Variants in SDK1 observed in about 807,000 individuals in gnomAD.
The protein encoded by SDK1 is protein sidekick-1.
A neutral mutation model predicts 245.5 loss-of-function variants in SDK1; 157 were observed. The ratio of observed to expected loss-of-function variants is 0.64; its 90% CI spans 0.56 to 0.73. The LOEUF is 0.73. SDK1 is among the 30% of genes least tolerant of loss of function. SDK1 has a pLI of 0.00. For synonymous variants in SDK1, 1,647 were observed against 1,278.5 expected (o/e 1.29, Z -6.15); for missense variants, 3,583 against 3,002.3 (o/e 1.19, Z -4.52).
chr7:3,500,271 C>G (rs1453341461), intron 1 of SDK1, among the ~76,000 whole-genome samples: 3 of 152,090 alleles, frequency 2.0e-5, no homozygotes, highest in Non-Finnish European at 4.4e-5. Flanking sequence ...TTTCTTATAT[C>G]CCCTATTTTC....
At chr7:3,521,638 C>T (rs976315605) in intron 1 of SDK1, among the ~76,000 whole-genome samples, 4 of 152,116 alleles carry the variant, frequency 2.6e-5, no homozygotes, top group African/African-American at 9.7e-5. Flanking sequence ...GTGAATTTCG[C>T]CCTTGAAGAC....
At chr7:3,774,082 G>A (rs1358741802) in intron 4 of SDK1, among the ~76,000 whole-genome samples, 2 of 152,090 alleles carry the variant, frequency 1.3e-5, no homozygotes, top group African/African-American at 4.8e-5. Context: ...AGGCATGGTG[G>A]CGGGTGCCTG....
chr7:3,505,069 A>G (rs1277913805), intron 1 of SDK1, among the ~76,000 whole-genome samples: 1 of 152,226 alleles, frequency 6.6e-6, no homozygotes, highest in African/African-American at 2.4e-5. Context: ...CCCCTTGACT[A>G]TTAGAAAAAT....
At chr7:4,152,156 C>G (rs570431735) in intron 30 of SDK1, among the ~76,000 whole-genome samples, 1 of 152,194 alleles carries the variant, frequency 6.6e-6, no homozygotes, top group Non-Finnish European at 1.5e-5. Context: ...CATTGCTGAC[C>G]GCCACGGAAC....
intron 4 of SDK1, among the ~76,000 whole-genome samples, chr7:3,790,866 G>T (rs1473278259): frequency 6.6e-6 from 1 of 152,140 alleles, no homozygotes; most frequent in African/African-American, 2.4e-5. Context: ...GGCTAGGGAG[G>T]TTGGGACAGG....
rs929373617 is a variant in SDK1 at position 3,710,125 on chromosome 7, C to G, written c.713+68020C>G. On this transcript the variant is annotated intron_variant, in intron 4 of 44. Transcript: ENST00000404826. ...AAACCTTTTATGTTTTAAGCTGCTTCAGGACAGAGAATTGATTCTCCTCTC... is the reference window on the plus strand; with the variant it reads ...AAACCTTTTATGTTTTAAGCTGCTTGAGGACAGAGAATTGATTCTCCTCTC... Among the ~76,000 whole-genome samples the G allele has an allele frequency of 2.0e-5, 3 of 152,340 alleles. No homozygotes were observed. The East Asian group carries it at 5.8e-4, about 29-fold the overall frequency.
chr7:3,452,988 A>G (rs982628800), intron 1 of SDK1, among the ~76,000 whole-genome samples: 1 of 152,110 alleles, frequency 6.6e-6, no homozygotes, highest in Non-Finnish European at 1.5e-5. Context: ...ACTCATGGCC[A>G]TTGTGGGTTT....
chr7:3,791,713 G>T (rs1230455448), intron 4 of SDK1, among the ~76,000 whole-genome samples: 1 of 152,176 alleles, frequency 6.6e-6, no homozygotes, highest in African/African-American at 2.4e-5. Flanking sequence ...GAATCAGTTT[G>T]TGAAATTGAC....
At chr7:3,959,440 G>A (rs1781505760) in intron 8 of SDK1, among the ~76,000 whole-genome samples, 1 of 152,206 alleles carries the variant, frequency 6.6e-6, no homozygotes, top group African/African-American at 2.4e-5. Flanking sequence ...ACATGTATTT[G>A]TAGTAGGTAC....
At chr7:3,464,694 G>GTATATA (rs1408954827) in intron 1 of SDK1, among the ~76,000 whole-genome samples, 2 of 131,590 alleles carry the variant, frequency 1.5e-5, no homozygotes, top group African/African-American at 3.8e-5. Context: ...CATTGTGTAT[G>GTATATA]TATGTATATA....
intron 5 of SDK1, among the ~76,000 whole-genome samples, chr7:3,849,205 C>T (rs979388159): frequency 6.6e-6 from 1 of 152,202 alleles, no homozygotes; most frequent in Non-Finnish European, 1.5e-5. Flanking sequence ...GCCTGGAATG[C>T]GCTTGTACTA....
At chr7:4,042,718 A>G (rs1436610566) in intron 17 of SDK1, among the ~76,000 whole-genome samples, 1 of 152,218 alleles carries the variant, frequency 6.6e-6, no homozygotes, top group Non-Finnish European at 1.5e-5. Flanking sequence ...TTTCTGCAGC[A>G]TAGTTGGACT....
intron 5 of SDK1, among the ~76,000 whole-genome samples, chr7:3,887,600 T>TC (rs1399440856): frequency 1.3e-5 from 2 of 152,230 alleles, no homozygotes; most frequent in African/African-American, 4.8e-5. Context: ...CTAATAAAAT[T>TC]CATTTGTTTG....
intron 8 of SDK1, among the ~76,000 whole-genome samples, chr7:3,960,400 A>G (rs1781584796): frequency 6.6e-6 from 1 of 152,254 alleles, no homozygotes; most frequent in South Asian, 2.1e-4. Flanking sequence ...AGCTTCCCCC[A>G]GGACCTGAAG....
intron 5 of SDK1, among the ~76,000 whole-genome samples, chr7:3,903,300 T>C (rs1256408962): frequency 6.6e-6 from 1 of 152,014 alleles, no homozygotes; most frequent in East Asian, 1.9e-4. Context: ...CCCGCCACCA[T>C]GGCCGGCTAA....
chr7:3,562,569 C>G (rs1377428693), intron 1 of SDK1, among the ~76,000 whole-genome samples: 1 of 152,216 alleles, frequency 6.6e-6, no homozygotes, highest in Admixed American at 6.5e-5. Context: ...CGGGTAGCTG[C>G]AGCCTGTGGA....
chr7:3,654,154 C>T (rs1016002855), intron 4 of SDK1, among the ~76,000 whole-genome samples: 3 of 152,106 alleles, frequency 2.0e-5, no homozygotes, highest in Non-Finnish European at 2.9e-5. Context: ...TGTGCCCCAC[C>T]GTGCTTCTGT....
At chr7:3,411,188 C>G (rs1779189580) in intron 1 of SDK1, among the ~76,000 whole-genome samples, 1 of 151,946 alleles carries the variant, frequency 6.6e-6, no homozygotes, top group African/African-American at 2.4e-5. Flanking sequence ...TCCAAGAGAG[C>G]CGGGAAGATA....
At chr7:3,771,386 G>A (rs1226102936) in intron 4 of SDK1, among the ~76,000 whole-genome samples, 1 of 152,128 alleles carries the variant, frequency 6.6e-6, no homozygotes, top group East Asian at 1.9e-4. Context: ...CCTGAAGGCA[G>A]GAATTTCACA....
Sources: allele counts gnomAD v4.1 joint callset (sites outside exome capture counted in the v4.1 genomes callset), GRCh38; gene constraint gnomAD v4.1.1; transcripts MANE v1.5; gene names NCBI Gene and HGNC (gene_info 2026-07-23, HGNC 2026-07-21).